CCDC170: variants seen among roughly 807,000 people sequenced by gnomAD.
The protein encoded by CCDC170 is coiled-coil domain containing 170.
A neutral mutation model predicts 72.6 loss-of-function variants in CCDC170; 69 were observed. The observed-to-expected ratio is 0.95, with a 90% CI of 0.78 to 1.16. The LOEUF (loss-of-function observed/expected upper bound fraction) is 1.16, where lower values mean the gene tolerates loss of function less well. Among genes scored for constraint, CCDC170 ranks in the 50% most tolerant of loss-of-function variants. The pLI is 0.00. For synonymous variants in CCDC170, 300 were observed against 303.9 expected, an observed-to-expected ratio of 0.99 and a Z score of 0.13; for missense variants, 852 against 832.5, an observed-to-expected ratio of 1.02 and a Z score of -0.29.
Position 151,498,765 on chromosome 6 carries a change from C to T in CCDC170, c.57+4580C>T, listed in dbSNP as rs558686989. 2.5e-4 allele frequency among the ~76,000 whole-genome samples: 36 copies of T among 146,464 alleles called. No individual in the cohort carries two copies. In the South Asian group the frequency reaches 3.6e-3, roughly 15 times the overall value. ...AGACTGTATTTCAGTATTCTAGGCA[C>T]GCTGTATAAGTACAATCAGACTGTA... On this transcript the variant is annotated intron_variant, in intron 1 of 10. Transcript: ENST00000239374.
At chr6:151,586,185 T>A in intron 7 of CCDC170, 96 bp downstream of exon 7, 1 of 1,286,026 alleles carries the variant, frequency 7.8e-7, no homozygotes, top group Non-Finnish European at 1.1e-6. Context: ...TTAGTTTGGT[T>A]AAGTCCTGGA....
At chr6:151,588,178 A>G (rs929125714) in intron 7 of CCDC170, among the ~76,000 whole-genome samples, 3 of 152,208 alleles carry the variant, frequency 2.0e-5, no homozygotes, top group African/African-American at 7.2e-5. Context: ...ATTTCCCTCA[A>G]GTCAGACTCG....
At chr6:151,526,510 C>T (rs777862310) in intron 1 of CCDC170, among the ~76,000 whole-genome samples, 5 of 148,462 alleles carry the variant, frequency 3.4e-5, no homozygotes, top group Non-Finnish European at 7.4e-5. Context: ...ATGAGCCACC[C>T]CGCCTGGCCT....
chr6:151,506,644 T>C (rs1050189861), intron 1 of CCDC170, among the ~76,000 whole-genome samples: 2 of 152,230 alleles, frequency 1.3e-5, no homozygotes, highest in African/African-American at 4.8e-5. Flanking sequence ...GGTATTAACC[T>C]TAAGACCACA....
chr6:151,501,027 A>G, intron 1 of CCDC170, among the ~76,000 whole-genome samples: 1 of 152,176 alleles, frequency 6.6e-6, no homozygotes, highest in Non-Finnish European at 1.5e-5. Context: ...AAGGGAATAA[A>G]TGCCTTTTGT....
chr6:151,497,288 G>A (rs1406327337), intron 1 of CCDC170, among the ~76,000 whole-genome samples: 1 of 152,172 alleles, frequency 6.6e-6, no homozygotes, highest in Non-Finnish European at 1.5e-5. Flanking sequence ...GGCTGAGGTG[G>A]GAGGATCACT....
chr6:151,498,155 G>T (rs763543074), intron 1 of CCDC170, among the ~76,000 whole-genome samples: 6 of 152,026 alleles, frequency 3.9e-5, no homozygotes, highest in Non-Finnish European at 8.8e-5. Flanking sequence ...CTAGATCAAA[G>T]TTACAGCTCC....
intron 1 of CCDC170, among the ~76,000 whole-genome samples, chr6:151,529,275 T>C (rs536998937): frequency 6.6e-6 from 1 of 152,360 alleles, no homozygotes; most frequent in African/African-American, 2.4e-5. Context: ...TTGCATAGGA[T>C]TCAATAGTAT....
intron 6 of CCDC170, among the ~76,000 whole-genome samples, chr6:151,576,639 T>A (rs946812755): frequency 6.6e-6 from 1 of 152,176 alleles, no homozygotes; most frequent in African/African-American, 2.4e-5. Flanking sequence ...ATTCCTACCC[T>A]GTAATTTTTT....
intron 9 of CCDC170, among the ~76,000 whole-genome samples, chr6:151,614,777 T>C (rs1176315771): frequency 2.0e-5 from 3 of 152,116 alleles, no homozygotes; most frequent in African/African-American, 7.2e-5. Flanking sequence ...TAAGTAACTC[T>C]GGCCTAATCT....
At chr6:151,546,998 A>AG (rs1782783876) in intron 4 of CCDC170, among the ~76,000 whole-genome samples, 2 of 5,872 alleles carry the variant, frequency 3.4e-4, no homozygotes, top group Non-Finnish European at 2.7e-4. Flanking sequence ...TCTTAAGAAG[A>AG]AAAAAAAAAA....
At chr6:151,548,280 CA>C (rs1782809332) in intron 4 of CCDC170, 23 bp from the exon 5 acceptor site, 1 of 1,505,556 alleles carries the variant, frequency 6.6e-7, no homozygotes, top group Non-Finnish European at 8.9e-7. Context: ...TTTTATAGGA[CA>C]GCTGTAATTG....
rs1777001784 is a variant in CCDC170 at position 151,618,229 on chromosome 6, T to C, written c.*82T>C. The C allele has an allele frequency of 8.1e-7, 1 of 1,232,656 alleles. No homozygotes were observed. The highest frequency in any genetic ancestry group is 2.4e-5 in the East Asian group (1 of 42,496). The allele number at this position is 1,232,656 out of a possible 1,614,324, so 76.4% of individuals were successfully genotyped here. ...ACAAATTCCTCATGTCTTTGAGATT[T>C]GATCAGTTTGTGAATATTTTATGCT... On this transcript the variant is annotated 3_prime_UTR_variant, in exon 11 of 11. Coordinates refer to ENST00000239374, the MANE Select transcript of CCDC170 (RefSeq NM_025059.4).
At chr6:151,603,901 G>A (rs1468767896) in intron 9 of CCDC170, among the ~76,000 whole-genome samples, 1 of 152,104 alleles carries the variant, frequency 6.6e-6, no homozygotes, top group Non-Finnish European at 1.5e-5. Flanking sequence ...TTAGTCCCTG[G>A]ACCTCATTTA....
chr6:151,590,018 A>G lies in CCDC170; in HGVS notation c.1294-3089A>G, dbSNP rs116484653. Among the ~76,000 whole-genome samples, 992 of 151,914 alleles carry G rather than the reference A, an allele frequency of 6.5e-3. 8 individuals are homozygous for G. Among genetic ancestry groups the G allele is most frequent in the African/African-American group, 0.023 (943 of 41,436 alleles). On this transcript the variant is annotated intron_variant, in intron 7 of 10. Transcript: ENST00000239374. ...GCTGCCTCCTACATTGCCCACTGCT[A>G]TTTTCACCGAGAGAATGTTCTCCTT... is the stretch of plus-strand genomic sequence containing the variant.
intron 9 of CCDC170, among the ~76,000 whole-genome samples, chr6:151,608,908 G>A (rs1332219164): frequency 6.6e-6 from 1 of 152,200 alleles, no homozygotes; most frequent in Non-Finnish European, 1.5e-5. Flanking sequence ...TGTCCTGTAA[G>A]GGCTGTGGTC....
intron 5 of CCDC170, among the ~76,000 whole-genome samples, chr6:151,549,111 T>A (rs911064678): frequency 2.0e-5 from 3 of 152,112 alleles, no homozygotes; most frequent in African/African-American, 7.2e-5. Context: ...TTCACCGTGT[T>A]AGTCAGGATG....
chr6:151,531,101 G>T (rs527322356), intron 1 of CCDC170, among the ~76,000 whole-genome samples: 2 of 152,226 alleles, frequency 1.3e-5, no homozygotes, highest in Non-Finnish European at 2.9e-5. Context: ...GTCGGCTATG[G>T]CTTTCATGTT....
intron 1 of CCDC170, 92 bp downstream of exon 1, chr6:151,494,277 C>T: frequency 1.6e-6 from 2 of 1,286,080 alleles, no homozygotes; most frequent in South Asian, 3.2e-5. Flanking sequence ...CACCCTTTTC[C>T]TCCCGGAGGC....
Sources: allele counts gnomAD v4.1 joint callset (sites outside exome capture counted in the v4.1 genomes callset), GRCh38; gene constraint gnomAD v4.1.1; transcripts MANE v1.5; gene names NCBI Gene and HGNC (gene_info 2026-07-23, HGNC 2026-07-21).